The following DAAM2 variants were observed in gnomAD, a reference collection of about 807,000 sequenced individuals.
DAAM2 encodes disheveled-associated activator of morphogenesis 2.
In DAAM2, 39 loss-of-function variants were observed where a neutral mutation model predicts 120.7. The ratio of observed to expected loss-of-function variants is 0.32; its 90% CI spans 0.25 to 0.42. The LOEUF (loss-of-function observed/expected upper bound fraction) is 0.42. DAAM2 is among the 10% of genes least tolerant of loss of function. The probability of loss-of-function intolerance (pLI) is 1.00; values close to 1 mark genes in which losing one functional copy is unlikely to be tolerated. For synonymous variants in DAAM2, 488 were observed against 524.9 expected, an observed-to-expected ratio of 0.93 and a Z score of 0.96; for missense variants, 1,283 against 1,401.7, an observed-to-expected ratio of 0.92 and a Z score of 1.35.
intron 1 of DAAM2, among the ~76,000 whole-genome samples, chr6:39,830,444 G>A (rs1762837724): frequency 6.6e-6 from 1 of 152,170 alleles, no homozygotes; most frequent in African/African-American, 2.4e-5. Flanking sequence ...GGCTGACAGA[G>A]TGGGGCTCTG....
At position 39,879,342 on chromosome 6, in the gene DAAM2, T is replaced by C; in HGVS notation, c.1710T>C (p.Gly570=). The C allele has an allele frequency of 4.4e-6, 6 of 1,361,436 alleles. No homozygotes were observed. Among genetic ancestry groups the C allele is most frequent in the Non-Finnish European group, 5.8e-6 (6 of 1,033,194 alleles). 84.3% of individuals were successfully genotyped at this position (1,361,436 alleles called of 1,614,324 possible). The change falls in exon 14 of 25, where the codon GGT becomes GGC. Residue 570 remains glycine, a synonymous_variant. Transcript: ENST00000274867. ...LPPGGPPTPP[G]APPCLGMGLP... Reference sequence around the variant, plus strand: ...CCGGGGGACCCCCGACTCCCCCAGGTGCCCCACCTTGCCTCGGCATGGGCC... The same window carrying C: ...CCGGGGGACCCCCGACTCCCCCAGGCGCCCCACCTTGCCTCGGCATGGGCC...
intron 1 of DAAM2, among the ~76,000 whole-genome samples, chr6:39,811,312 G>A (rs1276277950): frequency 5.3e-5 from 8 of 152,000 alleles, no homozygotes; most frequent in Non-Finnish European, 1.2e-4. Flanking sequence ...TGTGGATGTT[G>A]TTTTGTTTTC....
At chr6:39,881,743 G>A (rs1765130288) in intron 14 of DAAM2, 1 of 152,116 alleles carries the variant, frequency 6.6e-6, no homozygotes, top group African/African-American at 2.4e-5. Context: ...ATTGCTGTGA[G>A]GATTAGTTGA....
In DAAM2 at chr6:39,902,885, GTCCCCATC is replaced by G. The variant is rs1766572771; in HGVS notation, c.*852_*859del. 6.6e-6 allele frequency: 1 copy of G among 152,286 alleles called. No individual in the cohort carries two copies. Among genetic ancestry groups the G allele is most frequent in the African/African-American group, 2.4e-5 (1 of 41,344 alleles). The allele number at this position is 152,286 out of a possible 1,614,324, so 9.4% of individuals were successfully genotyped here. ...CTCATGCCTTTTGGGCATCTCCCAT[GTCCCCATC>G]TCCTGGACACCTGGCCATTGTTGTG... On this transcript the variant is annotated 3_prime_UTR_variant, in exon 25 of 25. Coordinates refer to ENST00000274867, the MANE Select transcript of DAAM2 (RefSeq NM_001201427.2).
chr6:39,826,040 C>G (rs1399342952), intron 1 of DAAM2, among the ~76,000 whole-genome samples: 1 of 152,192 alleles, frequency 6.6e-6, no homozygotes, highest in Non-Finnish European at 1.5e-5. Context: ...TATTTCATGC[C>G]TAGTGCAGTG....
intron 1 of DAAM2, among the ~76,000 whole-genome samples, chr6:39,844,358 G>C (rs542993061): frequency 2.0e-5 from 3 of 151,614 alleles, no homozygotes; most frequent in South Asian, 2.1e-4. Flanking sequence ...GGGAAACCCA[G>C]TTACATCTGC....
intron 1 of DAAM2, among the ~76,000 whole-genome samples, chr6:39,852,336 C>T (rs1054111474): frequency 6.6e-6 from 1 of 152,216 alleles, no homozygotes; most frequent in African/African-American, 2.4e-5. Flanking sequence ...TTCACCTTCT[C>T]CTCTCCCTGT....
chr6:39,855,175 G>A (rs1182569336), intron 1 of DAAM2, among the ~76,000 whole-genome samples: 2 of 152,190 alleles, frequency 1.3e-5, no homozygotes, highest in African/African-American at 2.4e-5. Context: ...ATAAGCTATG[G>A]TCTCTCTACT....
chr6:39,888,618 G>A (rs1290920201), intron 16 of DAAM2, 61 bp from the exon 17 acceptor site: 5 of 1,447,194 alleles, frequency 3.5e-6, no homozygotes, highest in Non-Finnish European at 4.8e-6. Flanking sequence ...AGGCGGAGGT[G>A]GTACCTTTTG....
chr6:39,830,115 C>T (rs561796377), intron 1 of DAAM2, among the ~76,000 whole-genome samples: 8 of 152,136 alleles, frequency 5.3e-5, no homozygotes, highest in Admixed American at 2.6e-4. Flanking sequence ...TATTCACTGC[C>T]GCATCCTACA....
intron 20 of DAAM2, 63 bp from the exon 21 acceptor site, chr6:39,897,112 A>G (rs1315921350): frequency 6.6e-7 from 1 of 1,517,052 alleles, no homozygotes; most frequent in Non-Finnish European, 9.1e-7. Context: ...CCATCCTCTG[A>G]CCCTCTGACC....
rs1427003777 is a variant in DAAM2, at chr6:39,878,694, G to A, written c.1545+106G>A. ...AGGCCAAGGACCCCAGCATGAGGGA[G>A]AAGGGAGATGGAGACCTTGGGCCAG... On this transcript the variant is annotated intron_variant, in intron 13 of 24. Coordinates refer to ENST00000274867, the MANE Select transcript of DAAM2 (RefSeq NM_001201427.2). The surrounding 1 kb of genome is among the most constrained non-coding windows in gnomAD (Gnocchi z 5.0). The A allele has an allele frequency of 8.5e-7, 1 of 1,178,290 alleles. No homozygotes were observed. The highest frequency in any genetic ancestry group is 1.2e-6 in the Non-Finnish European group (1 of 843,020). 73.0% of individuals were successfully genotyped at this position (1,178,290 alleles called of 1,614,324 possible).
intron 1 of DAAM2, among the ~76,000 whole-genome samples, chr6:39,809,588 T>G (rs1021970883): frequency 1.3e-5 from 2 of 152,078 alleles, no homozygotes; most frequent in African/African-American, 4.8e-5. Context: ...TTAAAGAAAT[T>G]TAAGTAGCCC....
intron 1 of DAAM2, among the ~76,000 whole-genome samples, chr6:39,848,335 T>C (rs1411120202): frequency 1.3e-5 from 2 of 152,142 alleles, no homozygotes; most frequent in Non-Finnish European, 2.9e-5. Flanking sequence ...GGTGGATGAA[T>C]GGATAAATGA....
chr6:39,866,553 G>A (rs1312053303), intron 5 of DAAM2, among the ~76,000 whole-genome samples: 3 of 152,082 alleles, frequency 2.0e-5, no homozygotes, highest in Admixed American at 6.6e-5. Context: ...ATGGACATCC[G>A]GCGCCTAGGT....
At chr6:39,849,599 G>A (rs1305517135) in intron 1 of DAAM2, among the ~76,000 whole-genome samples, 1 of 152,242 alleles carries the variant, frequency 6.6e-6, no homozygotes, top group Non-Finnish European at 1.5e-5. Flanking sequence ...CCTGGTTAGA[G>A]TTGATGGCAA....
intron 20 of DAAM2, 86 bp downstream of exon 20, chr6:39,897,066 A>T: frequency 6.6e-7 from 1 of 1,508,832 alleles, no homozygotes; most frequent in East Asian, 2.3e-5. Context: ...TAGGACGGGA[A>T]CATCCTAAGA....
At chr6:39,892,074 T>C (rs72858849) in intron 19 of DAAM2, among the ~76,000 whole-genome samples, 14,955 of 152,142 alleles carry the variant, frequency 0.098, 984 homozygotes, top group East Asian at 0.18. Context: ...CAGTCTTTAC[T>C]CTACTTAAGA....
intron 1 of DAAM2, among the ~76,000 whole-genome samples, chr6:39,853,631 G>A (rs190955506): frequency 2.6e-5 from 4 of 152,350 alleles, no homozygotes; most frequent in Admixed American, 2.6e-4. Context: ...CTGCTGCCAT[G>A]TCTGATTCCT....
Sources: gnomAD v4.1 joint callset for allele counts (sites outside exome capture counted in the v4.1 genomes callset) on GRCh38, gnomAD v4.1.1 for gene constraint, Gnocchi (gnomAD v3.1) non-coding constraint, MANE v1.5 for transcripts, NCBI Gene and HGNC (gene_info 2026-07-23, HGNC 2026-07-21) for gene names.